Variants in MROH1 observed in about 807,000 individuals in gnomAD.
The protein encoded by MROH1 is maestro heat-like repeat-containing protein family member 1.
A neutral mutation model predicts 116.5 loss-of-function variants in MROH1; 117 were observed. The ratio of observed to expected loss-of-function variants is 1.00; its 90% CI spans 0.86 to 1.17. The LOEUF (loss-of-function observed/expected upper bound fraction) is 1.17. Among genes scored for constraint, MROH1 ranks in the 50% most tolerant of loss-of-function variants. The probability of loss-of-function intolerance (pLI) is 0.00; values close to 1 mark genes in which losing one functional copy is unlikely to be tolerated. For missense variants in MROH1, 1,873 were observed against 1,338.5 expected, an observed-to-expected ratio of 1.40 and a Z score of -6.23; for synonymous variants, 921 against 583.9, an observed-to-expected ratio of 1.58 and a Z score of -8.32.
rs972555539 is a variant in MROH1, at chr8:144,150,337, T to C, written c.-177+2261T>C. On this transcript the variant is annotated intron_variant, in intron 1 of 43. Coordinates refer to ENST00000326134, the MANE Select transcript of MROH1 (RefSeq NM_032450.3). ...CCTATCAACCCTGCCTGCCACCTTC[T>C]CCCATTCGTTTGCTTTTTGTTAATT... Among the ~76,000 whole-genome samples the C allele has an allele frequency of 6.6e-3, 1,002 of 152,364 alleles. 8 individuals are homozygous for C. The highest frequency in any genetic ancestry group is 0.023 in the African/African-American group (959 of 41,584).
At chr8:144,252,707 C>T (rs1843039917) in intron 33 of MROH1, 1 of 150,306 alleles carries the variant, frequency 6.7e-6, no homozygotes, top group East Asian at 2.0e-4. Flanking sequence ...TGGCTCACGC[C>T]TATAATCCCG....
chr8:144,242,082 G>C, intron 22 of MROH1: 1 of 544,158 alleles, frequency 1.8e-6, no homozygotes. Context: ...TCACGTGGCT[G>C]TGCTGCCTTG....
intron 22 of MROH1, among the ~76,000 whole-genome samples, chr8:144,241,932 G>A (rs1262419738): frequency 2.0e-5 from 3 of 152,202 alleles, no homozygotes; most frequent in African/African-American, 7.2e-5. Flanking sequence ...CCTGTCTCCC[G>A]TAACTGTCCC....
At chr8:144,250,941 G>A (rs965489881) in intron 33 of MROH1, 5 of 193,278 alleles carry the variant, frequency 2.6e-5, no homozygotes, top group South Asian at 1.9e-4. Flanking sequence ...CTTCCTCGCC[G>A]AGGCCTCCGG....
At chr8:144,247,273 C>G in intron 29 of MROH1, 28 bp from the exon 30 acceptor site, 1 of 763,202 alleles carries the variant, frequency 1.3e-6, no homozygotes, top group Non-Finnish European at 2.4e-6. Flanking sequence ...CCCCAGCATT[C>G]TAATAGCCCA....
chr8:144,241,901 C>T (rs1185992153), intron 22 of MROH1, among the ~76,000 whole-genome samples: 2 of 152,354 alleles, frequency 1.3e-5, no homozygotes, highest in African/African-American at 4.8e-5. Context: ...GGCCCCCAAC[C>T]CGGCTGTGGT....
At chr8:144,177,106 A>G (rs1259852650) in intron 4 of MROH1, among the ~76,000 whole-genome samples, 2 of 152,210 alleles carry the variant, frequency 1.3e-5, no homozygotes, top group Non-Finnish European at 2.9e-5. Context: ...TGTGACCTAC[A>G]TTGGCTATTT....
At chr8:144,228,509 G>T (rs904888953) in intron 14 of MROH1, among the ~76,000 whole-genome samples, 1 of 152,156 alleles carries the variant, frequency 6.6e-6, no homozygotes, top group African/African-American at 2.4e-5. Flanking sequence ...CTGTTGCCAG[G>T]CTGGAGTGCA....
intron 14 of MROH1, among the ~76,000 whole-genome samples, chr8:144,230,645 C>G (rs761254574): frequency 6.6e-5 from 10 of 151,646 alleles, no homozygotes; most frequent in Non-Finnish European, 1.5e-4. Context: ...CAGGGTAATG[C>G]TGACTTGGTA....
rs1221242789 is a variant in MROH1, at chr8:144,163,153, G to T, written c.-56-618G>T. Among the ~76,000 whole-genome samples, 2 of 152,178 alleles carry T rather than the reference G, an allele frequency of 1.3e-5. No homozygotes were observed. Among genetic ancestry groups the T allele is most frequent in the African/African-American group, 4.8e-5 (2 of 41,436 alleles). ...CTGGAGTATGTTAGCAAGGAATGGTGGATGGGAGGTGATCAAGGGAATTAA... is the reference window on the plus strand; with the variant it reads ...CTGGAGTATGTTAGCAAGGAATGGTTGATGGGAGGTGATCAAGGGAATTAA... On this transcript the variant is annotated intron_variant, in intron 2 of 43. Transcript: ENST00000326134. This position sits in a 1 kb window ranked among gnomAD's most constrained non-coding sequence, Gnocchi z 4.4.
rs1188134395 is a variant in MROH1, at chr8:144,242,384, G to A, written c.2194G>A (p.Glu732Lys). The change falls in exon 23 of 44, where the codon GAA becomes AAA. Residue 732 changes from glutamate to lysine, a missense_variant. Coordinates refer to ENST00000326134, the MANE Select transcript of MROH1 (RefSeq NM_032450.3). ...GGCCTCTCAGGATCGAAGTGAGAAC[G>A]AAGTGGAGAAGGTGAAGAGTGCTCT... Reference protein sequence around the residue: ...LNIFKDRSENEVEKVKSALIL... With the variant: ...LNIFKDRSENKVEKVKSALIL... The A allele has an allele frequency of 1.8e-5, 14 of 780,604 alleles. No individual in the cohort carries two copies. Among genetic ancestry groups the A allele is most frequent in the Admixed American group, 6.8e-5 (4 of 59,022 alleles). 48.4% of individuals were successfully genotyped at this position (780,604 alleles called of 1,614,324 possible).
chr8:144,194,889 CAG>C (rs971784126), intron 10 of MROH1, among the ~76,000 whole-genome samples: 1 of 151,736 alleles, frequency 6.6e-6, no homozygotes, highest in African/African-American at 2.4e-5. Flanking sequence ...GCCTGGGTGA[CAG>C]AGCAAGACCT....
intron 28 of MROH1, 80 bp downstream of exon 28, chr8:144,244,619 A>C (rs1841576653): frequency 1.4e-6 from 1 of 712,810 alleles, no homozygotes; most frequent in African/African-American, 1.7e-5. Context: ...CTCTCTCCAC[A>C]TGTGGGCACC....
intron 1 of MROH1, among the ~76,000 whole-genome samples, chr8:144,155,716 C>A (rs1211843450): frequency 6.6e-6 from 1 of 151,372 alleles, no homozygotes; most frequent in Non-Finnish European, 1.5e-5. Context: ...TCACTGCAAC[C>A]CCTGCTTCCT....
At chr8:144,250,909 C>T (rs1170494075) in intron 33 of MROH1, 1 of 208,186 alleles carries the variant, frequency 4.8e-6, no homozygotes, top group Non-Finnish European at 9.8e-6. Context: ...TGTCTACCAC[C>T]CACCAGCCCA....
chr8:144,171,702 T>C (rs1392354730), intron 4 of MROH1, among the ~76,000 whole-genome samples: 2 of 152,322 alleles, frequency 1.3e-5, no homozygotes, highest in East Asian at 1.9e-4. Context: ...TTTCCATCTG[T>C]TGTGAGACTG....
intron 1 of MROH1, among the ~76,000 whole-genome samples, chr8:144,155,812 TAGTAGAGACAG>T (rs1183078067): frequency 6.6e-6 from 1 of 151,936 alleles, no homozygotes; most frequent in African/African-American, 2.4e-5. Context: ...TTTGTATTTT[TAGTAGAGACAG>T]GGTTTCAACA....
chr8:144,251,929 C>G (rs1416725562), intron 33 of MROH1: 7 of 210,834 alleles, frequency 3.3e-5, no homozygotes, highest in Middle Eastern at 1.9e-3. Context: ...GTGCTGCTGC[C>G]CATCCTTCCT....
chr8:144,192,441 CA>C (rs1828868967), intron 10 of MROH1, 40 bp downstream of exon 10: 7 of 1,514,882 alleles, frequency 4.6e-6, no homozygotes, highest in Admixed American at 3.9e-5. Context: ...AGGTTCTGCA[CA>C]CCCTTCCGTG....
Sources: allele counts gnomAD v4.1 joint callset (sites outside exome capture counted in the v4.1 genomes callset), GRCh38; gene constraint gnomAD v4.1.1; non-coding constraint Gnocchi (gnomAD v3.1); transcripts MANE v1.5; gene names NCBI Gene and HGNC (gene_info 2026-07-23, HGNC 2026-07-21).